Variants in ATP8A1 observed in about 807,000 individuals in gnomAD.
ATP8A1 encodes the protein phospholipid-transporting ATPase IA.
Under a neutral mutation model 177.7 loss-of-function variants are expected in ATP8A1, and 90 were observed. The ratio of observed to expected loss-of-function variants is 0.51; its 90% confidence interval spans 0.43 to 0.60. The LOEUF is 0.60. Among genes scored for constraint, ATP8A1 ranks in the 20% least tolerant of loss-of-function variants. The pLI is 0.00. For synonymous variants in ATP8A1, 493 were observed against 485.9 expected (o/e 1.01, Z -0.19); for missense variants, 1,072 against 1,392.8 (o/e 0.77, Z 3.67).
chr4:42,553,371 C>T (rs73165794), intron 16 of ATP8A1, among the ~76,000 whole-genome samples: 3,263 of 152,196 alleles, frequency 0.021, 113 homozygotes, highest in African/African-American at 0.074. Context: ...TTCTATAATG[C>T]TTTGTCTTTC....
chr4:42,525,012 G>A (rs1726539664), intron 20 of ATP8A1, among the ~76,000 whole-genome samples, 165 bp from the exon 21 acceptor site: 1 of 152,154 alleles, frequency 6.6e-6, no homozygotes, highest in Non-Finnish European at 1.5e-5. Context: ...TATTTTGCTA[G>A]TGACATTAAT....
intron 4 of ATP8A1, among the ~76,000 whole-genome samples, chr4:42,621,720 T>G (rs1194159677): frequency 1.3e-5 from 2 of 152,148 alleles, no homozygotes; most frequent in Non-Finnish European, 2.9e-5. Context: ...AGTTTAAAAT[T>G]TAACTATTTA....
At position 42,409,406 on chromosome 4, in the gene ATP8A1, A is replaced by G. The variant is rs1712334071; in HGVS notation, c.*3510T>C. On this transcript the variant is annotated 3_prime_UTR_variant, in exon 37 of 37. Coordinates refer to ENST00000381668, the MANE Select transcript of ATP8A1 (RefSeq NM_006095.2). Reference sequence around the variant, plus strand: ...CAGTTATTTTAATGTGAGAAAAATCAGACTATGGTATCTTACGAGTCATTA... The same window carrying G: ...CAGTTATTTTAATGTGAGAAAAATCGGACTATGGTATCTTACGAGTCATTA... 6.6e-6 allele frequency: 1 copy of G among 152,176 alleles called. No homozygotes were observed. The highest frequency in any genetic ancestry group is 2.1e-4 in the South Asian group (1 of 4,824). The allele number at this position is 152,176 out of a possible 1,614,324, so 9.4% of individuals were successfully genotyped here.
intron 33 of ATP8A1, among the ~76,000 whole-genome samples, chr4:42,435,405 G>C (rs1305441120): frequency 8.0e-6 from 1 of 125,736 alleles, no homozygotes; most frequent in African/African-American, 3.1e-5. Flanking sequence ...CAGCCTGGGG[G>C]ACAAGAGCGA....
At chr4:42,522,820 CA>C (rs904157416) in intron 21 of ATP8A1, among the ~76,000 whole-genome samples, 4 of 152,164 alleles carry the variant, frequency 2.6e-5, no homozygotes, top group African/African-American at 9.7e-5. Context: ...ACCCTCCTCT[CA>C]CCTAGATACC....
intron 9 of ATP8A1, among the ~76,000 whole-genome samples, chr4:42,582,292 T>C (rs1733173748): frequency 1.3e-5 from 2 of 152,144 alleles, no homozygotes; most frequent in Non-Finnish European, 2.9e-5. Context: ...GTCTATGGTG[T>C]TTTGTTAGGG....
chr4:42,529,514 T>C (rs1727045583), intron 20 of ATP8A1, among the ~76,000 whole-genome samples: 1 of 152,184 alleles, frequency 6.6e-6, no homozygotes, highest in South Asian at 2.1e-4. Flanking sequence ...ATATACGTGA[T>C]CAGGCTTGAG....
intron 8 of ATP8A1, 99 bp downstream of exon 8, chr4:42,588,161 T>G (rs181582699): frequency 4.2e-6 from 4 of 950,694 alleles, no homozygotes; most frequent in Non-Finnish European, 6.4e-6. Flanking sequence ...ATATTTGCAA[T>G]AGGACAGATT....
chr4:42,623,894 G>C (rs745765610), intron 4 of ATP8A1, among the ~76,000 whole-genome samples: 1 of 152,046 alleles, frequency 6.6e-6, no homozygotes, highest in Middle Eastern at 3.4e-3. Flanking sequence ...ATATGAAGTA[G>C]TTTAAAAGAA....
At chr4:42,507,304 G>T in intron 22 of ATP8A1, 150 bp from the exon 23 acceptor site, 4 of 840,860 alleles carry the variant, frequency 4.8e-6, no homozygotes, top group South Asian at 3.7e-5. Flanking sequence ...TGAGTTTTCT[G>T]AAATATCCTT....
At chr4:42,537,102 A>T (rs563421068) in intron 20 of ATP8A1, among the ~76,000 whole-genome samples, 1 of 151,230 alleles carries the variant, frequency 6.6e-6, no homozygotes, top group Non-Finnish European at 1.5e-5. Context: ...ATTGCACTCC[A>T]GCCTGGGCAA....
chr4:42,578,120 G>T, intron 12 of ATP8A1, 140 bp downstream of exon 12: 1 of 792,036 alleles, frequency 1.3e-6, no homozygotes, highest in African/African-American at 1.8e-5. Context: ...GAGGAACTTT[G>T]CAACAAATTA....
At chr4:42,429,277 G>T (rs1366600783) in intron 33 of ATP8A1, among the ~76,000 whole-genome samples, 3 of 152,118 alleles carry the variant, frequency 2.0e-5, no homozygotes, top group African/African-American at 7.2e-5. Flanking sequence ...GTTGACGAGT[G>T]TGCATTAAAA....
chr4:42,515,970 C>T (rs1170777355), intron 22 of ATP8A1, among the ~76,000 whole-genome samples: 2 of 152,176 alleles, frequency 1.3e-5, no homozygotes, highest in Non-Finnish European at 2.9e-5. Flanking sequence ...TTAGTGATAG[C>T]ACATTTGATA....
At chr4:42,648,819 T>C (rs1365116310) in intron 1 of ATP8A1, among the ~76,000 whole-genome samples, 1 of 152,124 alleles carries the variant, frequency 6.6e-6, no homozygotes, top group African/African-American at 2.4e-5. Flanking sequence ...ATCACTACAT[T>C]TACCAAAATA....
At chr4:42,527,132 C>T (rs1357374362) in intron 20 of ATP8A1, among the ~76,000 whole-genome samples, 2 of 152,194 alleles carry the variant, frequency 1.3e-5, no homozygotes, top group Non-Finnish European at 2.9e-5. Flanking sequence ...CTCCTGGCTT[C>T]AGAAGCAGAT....
intron 5 of ATP8A1, among the ~76,000 whole-genome samples, chr4:42,610,933 T>C (rs1345110024): frequency 6.6e-6 from 1 of 151,986 alleles, no homozygotes. Context: ...GGAGCAACAC[T>C]CTCTTTTTCA....
chr4:42,575,543 G>A (rs144784681), intron 13 of ATP8A1, 79 bp downstream of exon 13: 2 of 1,111,238 alleles, frequency 1.8e-6, no homozygotes, highest in Non-Finnish European at 2.7e-6. Context: ...CCATTCATCT[G>A]CAGTTATCAT....
At chr4:42,584,048 T>C (rs1349429091) in intron 9 of ATP8A1, among the ~76,000 whole-genome samples, 3 of 152,226 alleles carry the variant, frequency 2.0e-5, no homozygotes, top group African/African-American at 4.8e-5. Context: ...AGGAAAGCTT[T>C]TGGAGGATCT....
Sources: allele counts gnomAD v4.1 joint callset (sites outside exome capture counted in the v4.1 genomes callset), GRCh38; gene constraint gnomAD v4.1.1; transcripts MANE v1.5; gene names NCBI Gene and HGNC (gene_info 2026-07-23, HGNC 2026-07-21).